Variants in DACH2 observed in about 807,000 individuals in gnomAD.
DACH2 encodes the protein dachshund homolog 2.
In DACH2, 17 loss-of-function variants were observed where a neutral mutation model predicts 35.8. That is an observed-to-expected ratio of 0.48 (90% CI 0.33 to 0.71). The LOEUF is 0.71. Among genes scored for constraint, DACH2 ranks in the 30% least tolerant of loss-of-function variants. The pLI is 0.02. For synonymous variants in DACH2, 195 were observed against 177.3 expected, an observed-to-expected ratio of 1.10 and a Z score of -0.79; for missense variants, 469 against 472.7, an observed-to-expected ratio of 0.99 and a Z score of 0.07.
chrX:86,678,658 T>A (rs774082914), intron 4 of DACH2, among the ~76,000 whole-genome samples: 2 of 111,904 alleles, frequency 1.8e-5, no homozygotes, highest in South Asian at 7.4e-4. Flanking sequence ...ACTATAGATG[T>A]TATCACATAG....
At chrX:86,401,730 A>G (rs73631930) in intron 2 of DACH2, among the ~76,000 whole-genome samples, 1,148 of 103,550 alleles carry the variant, frequency 0.011, 17 homozygotes, top group African/African-American at 0.038. Context: ...AAAAAAAAAG[A>G]AAAAAAAAAA....
intron 3 of DACH2, among the ~76,000 whole-genome samples, chrX:86,520,624 T>C (rs1479369762): frequency 2.7e-5 from 3 of 111,838 alleles, no homozygotes; most frequent in African/African-American, 9.7e-5. Flanking sequence ...AGTCAGGTCT[T>C]CTTGCTGAAT....
chrX:86,479,946 G>A (rs981030722), intron 2 of DACH2, among the ~76,000 whole-genome samples: 3 of 112,602 alleles, frequency 2.7e-5, no homozygotes, highest in African/African-American at 6.4e-5. Context: ...GAAAGGCCAC[G>A]TATCTCTGTT....
At chrX:86,230,998 T>C (rs895379560) in intron 1 of DACH2, among the ~76,000 whole-genome samples, 4 of 112,561 alleles carry the variant, frequency 3.6e-5, no homozygotes, top group African/African-American at 1.3e-4. Context: ...TCTGCTCTGA[T>C]CTTGGTTATT....
chrX:86,724,029 A>T, intron 6 of DACH2, among the ~76,000 whole-genome samples: 1 of 111,055 alleles, frequency 9.0e-6, no homozygotes, highest in Non-Finnish European at 1.9e-5. Flanking sequence ...GTTTCTTGTT[A>T]CCAGCATAAA....
chrX:86,545,578 T>A (rs2038945776), intron 3 of DACH2, among the ~76,000 whole-genome samples: 1 of 112,098 alleles, frequency 8.9e-6, no homozygotes, highest in Admixed American at 9.5e-5. Flanking sequence ...TAAAATCATT[T>A]AATGTAATGT....
intron 3 of DACH2, among the ~76,000 whole-genome samples, chrX:86,564,198 G>A (rs1052246722): frequency 9.0e-6 from 1 of 111,226 alleles, no homozygotes; most frequent in African/African-American, 3.3e-5. Context: ...GATTACCTGA[G>A]TGATTGTTTT....
intron 2 of DACH2, among the ~76,000 whole-genome samples, chrX:86,423,808 C>T (rs767961363): frequency 9.0e-6 from 1 of 110,806 alleles, no homozygotes; most frequent in Non-Finnish European, 1.9e-5. Flanking sequence ...AGATTTAGGT[C>T]TTCAATCCAT....
At chrX:86,347,145 T>G (rs1371416041) in intron 1 of DACH2, among the ~76,000 whole-genome samples, 1 of 112,118 alleles carries the variant, frequency 8.9e-6, no homozygotes, top group Non-Finnish European at 1.9e-5. Context: ...AATTTTTTTA[T>G]TCAAGAAATT....
At chrX:86,784,441 A>G (rs182435914) in intron 7 of DACH2, among the ~76,000 whole-genome samples, 83 of 111,951 alleles carry the variant, frequency 7.4e-4, no homozygotes, top group African/African-American at 2.6e-3. Context: ...ACCATCTCAC[A>G]CCAGTCAAAA....
chrX:86,795,164 G>A (rs1361361284), intron 7 of DACH2, among the ~76,000 whole-genome samples: 1 of 109,832 alleles, frequency 9.1e-6, no homozygotes, highest in Non-Finnish European at 1.9e-5. Flanking sequence ...TGACCAAATA[G>A]AATTAAGGAA....
chrX:86,630,317 G>T (rs2148387044), intron 3 of DACH2, among the ~76,000 whole-genome samples: 1 of 109,850 alleles, frequency 9.1e-6, no homozygotes, highest in South Asian at 3.9e-4. Context: ...ACCGATCTGA[G>T]AAATGGAAAT....
chrX:86,242,374 A>G (rs2033184209), intron 1 of DACH2, among the ~76,000 whole-genome samples: 1 of 112,144 alleles, frequency 8.9e-6, no homozygotes, highest in South Asian at 3.7e-4. Context: ...TGCTGCATTC[A>G]GACTTGCATG....
intron 1 of DACH2, among the ~76,000 whole-genome samples, chrX:86,366,750 G>A (rs2035812420): frequency 1.8e-5 from 2 of 110,158 alleles, no homozygotes; most frequent in Admixed American, 9.7e-5. Context: ...ATGGTAATGA[G>A]TTCACATGAG....
At chrX:86,581,298 C>T (rs6623716) in intron 3 of DACH2, among the ~76,000 whole-genome samples, 1 of 110,662 alleles carries the variant, frequency 9.0e-6, no homozygotes, top group Non-Finnish European at 1.9e-5. Flanking sequence ...ATCATTGACA[C>T]TATACAGCAA....
chrX:86,355,257 A>C (rs971109914), intron 1 of DACH2, among the ~76,000 whole-genome samples: 5 of 112,103 alleles, frequency 4.5e-5, no homozygotes, highest in Non-Finnish European at 9.4e-5. Flanking sequence ...ATGGCTGCAT[A>C]GTATTTCATG....
At chrX:86,579,546 C>G (rs1472434739) in intron 3 of DACH2, among the ~76,000 whole-genome samples, 1 of 111,099 alleles carries the variant, frequency 9.0e-6, no homozygotes, top group African/African-American at 3.3e-5. Context: ...AATGAACTAC[C>G]TACCAATCAG....
At chrX:86,414,302 G>A (rs866808206) in intron 2 of DACH2, among the ~76,000 whole-genome samples, 2 of 97,751 alleles carry the variant, frequency 2.0e-5, no homozygotes, top group Non-Finnish European at 4.2e-5. Context: ...CTAGGAACAC[G>A]GTGATTAATT....
chrX:86,544,687 A>G (rs2038933812), intron 3 of DACH2, among the ~76,000 whole-genome samples: 1 of 111,488 alleles, frequency 9.0e-6, no homozygotes, highest in African/African-American at 3.3e-5. Context: ...CACTACTAAA[A>G]CACACTAAGT....
Sources: gnomAD v4.1 joint callset for allele counts (sites outside exome capture counted in the v4.1 genomes callset) on GRCh38, gnomAD v4.1.1 for gene constraint, MANE v1.5 for transcripts, NCBI Gene and HGNC (gene_info 2026-07-23, HGNC 2026-07-21) for gene names.